SGCZ: variants seen among roughly 807,000 people sequenced by gnomAD.
SGCZ encodes the protein zeta-sarcoglycan.
In SGCZ, 40 loss-of-function variants were observed where a neutral mutation model predicts 41.3. The ratio of observed to expected loss-of-function variants is 0.97; its 90% CI spans 0.75 to 1.26. The LOEUF (loss-of-function observed/expected upper bound fraction) is 1.26. Among genes scored for constraint, SGCZ ranks in the 50% most tolerant of loss-of-function variants. SGCZ has a pLI of 0.00. For synonymous variants in SGCZ, 206 were observed against 137.5 expected (o/e 1.50, Z -3.49); for missense variants, 552 against 369.8 (o/e 1.49, Z -4.04).
intron 3 of SGCZ, among the ~76,000 whole-genome samples, chr8:14,258,219 C>G (rs1185646729): frequency 1.5e-5 from 2 of 132,930 alleles, no homozygotes; most frequent in Non-Finnish European, 3.5e-5. Flanking sequence ...TGTGTTTCCC[C>G]CATGTATGAA....
At position 14,087,921 on chromosome 8, in the gene SGCZ, A is replaced by G. The variant is rs1157852466; in HGVS notation, c.*2522T>C. On this transcript the variant is annotated 3_prime_UTR_variant, in exon 8 of 8. Transcript: ENST00000382080. Reference sequence around the variant, plus strand: ...TCGCTATCACTATATTTTCTACTGTACTGAACCGATTTGTTATATCATCTG... The same window carrying G: ...TCGCTATCACTATATTTTCTACTGTGCTGAACCGATTTGTTATATCATCTG... Among the ~76,000 whole-genome samples, 1 of 151,712 alleles carries G rather than the reference A, an allele frequency of 6.6e-6. No homozygotes were observed. The highest frequency in any genetic ancestry group is 1.5e-5 in the Non-Finnish European group (1 of 67,796).
chr8:14,905,554 T>A (rs1799097049), intron 1 of SGCZ, among the ~76,000 whole-genome samples: 1 of 152,022 alleles, frequency 6.6e-6, no homozygotes, highest in Non-Finnish European at 1.5e-5. Context: ...AAATTAGCAC[T>A]CAGAAATTTC....
At chr8:14,326,713 C>A (rs917952526) in intron 2 of SGCZ, among the ~76,000 whole-genome samples, 1 of 152,120 alleles carries the variant, frequency 6.6e-6, no homozygotes, top group South Asian at 2.1e-4. Flanking sequence ...AAAATACATA[C>A]ATTTCTGTTA....
intron 1 of SGCZ, among the ~76,000 whole-genome samples, chr8:14,877,535 A>G (rs1025520219): frequency 6.6e-6 from 1 of 152,116 alleles, no homozygotes; most frequent in Admixed American, 6.6e-5. Context: ...ACATGTTTTG[A>G]ATAAATTTAT....
intron 2 of SGCZ, among the ~76,000 whole-genome samples, chr8:14,327,192 T>C (rs1446558731): frequency 6.6e-6 from 1 of 151,934 alleles, no homozygotes; most frequent in Non-Finnish European, 1.5e-5. Context: ...CCAGAAAGAG[T>C]AATTTTGGAT....
chr8:14,274,257 A>C (rs1023663040), intron 3 of SGCZ, among the ~76,000 whole-genome samples: 1 of 152,142 alleles, frequency 6.6e-6, no homozygotes, highest in African/African-American at 2.4e-5. Flanking sequence ...CAGAAGGCAT[A>C]TTCTGACCTC....
intron 2 of SGCZ, among the ~76,000 whole-genome samples, chr8:14,510,502 C>A (rs1479493711): frequency 3.3e-5 from 5 of 151,734 alleles, no homozygotes; most frequent in East Asian, 3.9e-4. Context: ...ATTTTGATAA[C>A]CTTGATGATC....
chr8:14,187,466 T>C (rs1804942951), intron 4 of SGCZ, among the ~76,000 whole-genome samples: 1 of 152,142 alleles, frequency 6.6e-6, no homozygotes, highest in South Asian at 2.1e-4. Flanking sequence ...TTTTGAAGAA[T>C]TAAATGCAGG....
intron 1 of SGCZ, among the ~76,000 whole-genome samples, chr8:14,904,767 G>C (rs1368493961): frequency 6.6e-6 from 1 of 151,736 alleles, no homozygotes; most frequent in Non-Finnish European, 1.5e-5. Flanking sequence ...GGCTATCTGG[G>C]TTTTGATTTA....
At chr8:14,473,730 G>A (rs1012694720) in intron 2 of SGCZ, among the ~76,000 whole-genome samples, 2 of 152,072 alleles carry the variant, frequency 1.3e-5, no homozygotes, top group African/African-American at 4.8e-5. Flanking sequence ...GAGGTCAGGA[G>A]ATCGAGACCA....
chr8:14,756,537 G>T (rs1425214456), intron 1 of SGCZ, among the ~76,000 whole-genome samples: 1 of 152,110 alleles, frequency 6.6e-6, no homozygotes, highest in Admixed American at 6.5e-5. Context: ...CTCTGCAGAT[G>T]ACTCTAATAT....
At chr8:14,854,021 T>TTATATTATATATA (rs1554512086) in intron 1 of SGCZ, among the ~76,000 whole-genome samples, 1 of 107,672 alleles carries the variant, frequency 9.3e-6, no homozygotes, top group Non-Finnish European at 2.0e-5. Context: ...TGTGATTATA[T>TTATATTATATATA]TATATATATA....
At chr8:14,314,508 G>C (rs1801652260) in intron 3 of SGCZ, among the ~76,000 whole-genome samples, 1 of 152,044 alleles carries the variant, frequency 6.6e-6, no homozygotes, top group Admixed American at 6.6e-5. Flanking sequence ...CATGATTTGA[G>C]GCAACTGAAT....
intron 4 of SGCZ, among the ~76,000 whole-genome samples, chr8:14,181,838 C>A: frequency 6.6e-6 from 1 of 152,184 alleles, no homozygotes; most frequent in Non-Finnish European, 1.5e-5. Flanking sequence ...GTATGTCTTT[C>A]TTAGCAGCCT....
At chr8:14,289,346 A>C (rs1051444662) in intron 3 of SGCZ, among the ~76,000 whole-genome samples, 7 of 152,198 alleles carry the variant, frequency 4.6e-5, no homozygotes, top group African/African-American at 1.7e-4. Flanking sequence ...ACCATTGTCA[A>C]ATCCAAAGTT....
intron 1 of SGCZ, among the ~76,000 whole-genome samples, chr8:15,087,603 T>C (rs1037424183): frequency 2.5e-4 from 38 of 152,170 alleles, no homozygotes; most frequent in African/African-American, 6.3e-4. Context: ...CTCTTAGACA[T>C]GGGTGTACTA....
At chr8:14,493,844 T>C (rs1260448521) in intron 2 of SGCZ, among the ~76,000 whole-genome samples, 7 of 152,164 alleles carry the variant, frequency 4.6e-5, no homozygotes, top group African/African-American at 7.2e-5. Context: ...TAATACTGTT[T>C]TTATATTTTT....
At chr8:14,964,114 G>C (rs542208531) in intron 1 of SGCZ, among the ~76,000 whole-genome samples, 1 of 152,090 alleles carries the variant, frequency 6.6e-6, no homozygotes, top group East Asian at 1.9e-4. Flanking sequence ...TAAATGGAAA[G>C]GTTTGCTTTA....
chr8:14,980,345 T>C (rs1274012261), intron 1 of SGCZ, among the ~76,000 whole-genome samples: 2 of 152,234 alleles, frequency 1.3e-5, no homozygotes, highest in African/African-American at 4.8e-5. Context: ...AGACCTGGGA[T>C]ACCCAAGTAT....
Sources: allele counts gnomAD v4.1 joint callset (sites outside exome capture counted in the v4.1 genomes callset), GRCh38; gene constraint gnomAD v4.1.1; transcripts MANE v1.5; gene names NCBI Gene and HGNC (gene_info 2026-07-23, HGNC 2026-07-21).